DOCK4: variants seen among roughly 807,000 people sequenced by gnomAD.
DOCK4 encodes the protein dedicator of cytokinesis protein 4.
In DOCK4, 97 loss-of-function variants were observed where a neutral mutation model predicts 268.1. The ratio of observed to expected loss-of-function variants is 0.36; its 90% CI spans 0.31 to 0.43. The LOEUF (loss-of-function observed/expected upper bound fraction) is 0.43, where lower values mean the gene tolerates loss of function less well. DOCK4 is among the 20% of genes least tolerant of loss of function. DOCK4 has a pLI of 1.00. For synonymous variants in DOCK4, 954 were observed against 887.2 expected (o/e 1.08, Z -1.34); for missense variants, 2,145 against 2,455.7 (o/e 0.87, Z 2.67).
chr7:111,847,121 G>A lies in DOCK4; in HGVS notation c.2479C>T (p.Arg827Ter), dbSNP rs1283720924. The change falls in exon 24 of 53, where the codon CGA becomes TGA. Residue 827 changes from arginine to a stop codon, truncating the protein, a stop_gained. Coordinates refer to ENST00000428084, the MANE Select transcript of DOCK4 (RefSeq NM_001363540.2). LOFTEE classifies it high-confidence loss of function. ...AACACGACAGGCAGAAGAATGTATC[G>A]GGAATCTGAAGAGAGAAGAGTCATT... ...ESQLYTNPDS[R>*]YILLPVVLHH... 2.5e-6 allele frequency: 4 copies of A among 1,613,638 alleles called. No individual in the cohort carries two copies. The highest frequency in any genetic ancestry group is 3.4e-6 in the Non-Finnish European group (4 of 1,179,646).
intron 23 of DOCK4, among the ~76,000 whole-genome samples, chr7:111,859,381 T>C (rs370081661): frequency 2.0e-5 from 3 of 152,132 alleles, no homozygotes; most frequent in Non-Finnish European, 2.9e-5. Context: ...CTTATTTCCA[T>C]ATTTTGGTGA....
In DOCK4 at chr7:111,728,667, G is replaced by A. The variant is rs1563415017; in HGVS notation, c.5535C>T (p.Leu1845=). The change falls in exon 53 of 53, where the codon CTC becomes CTT. Residue 1845 remains leucine, a synonymous_variant. Transcript: ENST00000428084. ...PSPVEYHSPG[L]ISNSPVLSGS... is the part of the protein sequence containing the mutation. ...CCGACAAGACAGGGGAGTTGGAGAT[G>A]AGTCCTGGCGAGTGGTACTCCACTG... 6.2e-7 allele frequency: 1 copy of A among 1,613,944 alleles called. No homozygotes were observed. The highest frequency in any genetic ancestry group is 2.2e-5 in the East Asian group (1 of 44,874).
intron 26 of DOCK4, among the ~76,000 whole-genome samples, chr7:111,824,894 A>T (rs1192090293): frequency 1.3e-5 from 2 of 152,242 alleles, no homozygotes; most frequent in African/African-American, 2.4e-5. Flanking sequence ...CAGTGTCTCA[A>T]GTAGTTTTCT....
chr7:112,143,062 C>T (rs529652793), intron 1 of DOCK4, among the ~76,000 whole-genome samples: 49 of 151,874 alleles, frequency 3.2e-4, no homozygotes, highest in Non-Finnish European at 6.3e-4. Context: ...AATGCTTACA[C>T]TGGGGGAAGT....
At chr7:112,084,820 G>A (rs1397643164) in intron 1 of DOCK4, among the ~76,000 whole-genome samples, 8 of 152,010 alleles carry the variant, frequency 5.3e-5, no homozygotes, top group African/African-American at 1.9e-4. Flanking sequence ...GGCACTTCCC[G>A]TGTGACCGGC....
chr7:111,860,484 T>C (rs926473517), intron 23 of DOCK4, among the ~76,000 whole-genome samples: 2 of 152,246 alleles, frequency 1.3e-5, no homozygotes, highest in Non-Finnish European at 2.9e-5. Context: ...CTTTTCTCTG[T>C]TGAACATCTG....
intron 1 of DOCK4, among the ~76,000 whole-genome samples, chr7:112,074,512 A>T (rs994574342): frequency 6.6e-6 from 1 of 152,118 alleles, no homozygotes; most frequent in African/African-American, 2.4e-5. Flanking sequence ...CTGCTTTGCC[A>T]GTTGCTGGCT....
chr7:112,159,168 C>G (rs1816868566), intron 1 of DOCK4, among the ~76,000 whole-genome samples: 1 of 152,154 alleles, frequency 6.6e-6, no homozygotes, highest in South Asian at 2.1e-4. Flanking sequence ...AAATGATGTT[C>G]TAGCATCTTT....
intron 1 of DOCK4, among the ~76,000 whole-genome samples, chr7:112,188,129 AG>A (rs1286275596): frequency 5.3e-5 from 8 of 152,248 alleles, no homozygotes. Context: ...GAATTGCCCA[AG>A]GGCTTCAAGA....
intron 1 of DOCK4, among the ~76,000 whole-genome samples, chr7:112,026,873 C>A (rs1335076765): frequency 6.6e-6 from 1 of 152,164 alleles, no homozygotes; most frequent in East Asian, 1.9e-4. Flanking sequence ...ACTTCAAGGG[C>A]ACTTTGAACT....
chr7:112,107,080 T>C (rs1393007308), intron 1 of DOCK4, among the ~76,000 whole-genome samples: 1 of 152,232 alleles, frequency 6.6e-6, no homozygotes, highest in Non-Finnish European at 1.5e-5. Context: ...AGAGACTATT[T>C]ATTATGTATG....
At chr7:112,201,259 A>G (rs902108126) in intron 1 of DOCK4, among the ~76,000 whole-genome samples, 24 of 152,208 alleles carry the variant, frequency 1.6e-4, no homozygotes, top group African/African-American at 5.8e-4. Flanking sequence ...GGCTTTAAAA[A>G]GGAACATGAT....
At chr7:111,833,594 T>C (rs1328244252) in intron 26 of DOCK4, among the ~76,000 whole-genome samples, 1 of 151,922 alleles carries the variant, frequency 6.6e-6, no homozygotes, top group African/African-American at 2.4e-5. Context: ...TGATGCCATA[T>C]GCCAAATGAC....
At chr7:111,759,468 A>G (rs531962409) in intron 40 of DOCK4, among the ~76,000 whole-genome samples, 7 of 152,260 alleles carry the variant, frequency 4.6e-5, no homozygotes, top group Non-Finnish European at 1.0e-4. Context: ...TATTTTTCCT[A>G]TGTACTTTCT....
At position 111,788,763 on chromosome 7, in the gene DOCK4, C is replaced by A. The variant is rs1387811510; in HGVS notation, c.3316-16G>T. 2 of 1,564,452 alleles carry A rather than the reference C, an allele frequency of 1.3e-6. No individual in the cohort carries two copies. Among genetic ancestry groups the A allele is most frequent in the African/African-American group, 2.7e-5 (2 of 74,242 alleles). Reference sequence around the variant, plus strand: ...TGGCTTCCACCTGAAACATACCCAACTATTATTCTCTTTCCTCCCCTTCAC... The same window carrying A: ...TGGCTTCCACCTGAAACATACCCAAATATTATTCTCTTTCCTCCCCTTCAC... On this transcript the variant is annotated splice_polypyrimidine_tract_variant and intron_variant, in intron 31 of 52. Coordinates refer to ENST00000428084, the MANE Select transcript of DOCK4 (RefSeq NM_001363540.2).
chr7:111,908,196 C>T (rs145300773), intron 13 of DOCK4, among the ~76,000 whole-genome samples: 7,390 of 152,182 alleles, frequency 0.049, 237 homozygotes, highest in Non-Finnish European at 0.077. Flanking sequence ...CACCTGTAAT[C>T]CCAGCACTTT....
At chr7:111,924,088 G>A (rs763470453) in intron 12 of DOCK4, among the ~76,000 whole-genome samples, 20 of 152,006 alleles carry the variant, frequency 1.3e-4, no homozygotes, top group Non-Finnish European at 1.3e-4. Context: ...TAAAAATCTC[G>A]TTCCATTTTT....
intron 39 of DOCK4, among the ~76,000 whole-genome samples, chr7:111,762,402 T>A (rs114227885): frequency 0.016 from 2,494 of 152,338 alleles, 60 homozygotes; most frequent in African/African-American, 0.056. Context: ...CCAGTCACAA[T>A]ACTACTTTTT....
In DOCK4 at chr7:111,863,523, C is replaced by T; in HGVS notation, c.2322G>A (p.Leu774=). ...CTTCCCGGACATCAAAGAGCTTCAA[C>T]AGTTCTGAGTACACGGCAGGGAAAG... ...LSSFPAVYSE[L]LKLFDVREVA... The change falls in exon 23 of 53, where the codon CTG becomes CTA. Residue 774 remains leucine (L), a synonymous_variant. Transcript: ENST00000428084. 1 of 1,613,686 alleles carries T rather than the reference C, an allele frequency of 6.2e-7. No individual in the cohort carries two copies. Among genetic ancestry groups the T allele is most frequent in the Non-Finnish European group, 8.5e-7 (1 of 1,179,736 alleles).
Sources: gnomAD v4.1 joint callset for allele counts (sites outside exome capture counted in the v4.1 genomes callset) on GRCh38, gnomAD v4.1.1 for gene constraint, MANE v1.5 for transcripts, NCBI Gene and HGNC (gene_info 2026-07-23, HGNC 2026-07-21) for gene names.